RNF121: variants seen among roughly 807,000 people sequenced by gnomAD.
RNF121 encodes ring finger protein 121, also known as E3 ubiquitin ligase RNF121.
RNF121 carries 21 observed loss-of-function variants against 46.5 expected under a neutral mutation model. The observed-to-expected ratio is 0.45, with a 90% CI of 0.32 to 0.65. The LOEUF is 0.65. Among genes scored for constraint, RNF121 ranks in the 30% least tolerant of loss-of-function variants. The pLI, the probability that RNF121 is intolerant of heterozygous loss-of-function variation, is 0.04. For synonymous variants in RNF121, 139 were observed against 144.7 expected, an observed-to-expected ratio of 0.96 and a Z score of 0.28; for missense variants, 346 against 416.0, an observed-to-expected ratio of 0.83 and a Z score of 1.46.
chr11:71,941,816 A>C (rs1235504229), intron 1 of RNF121, among the ~76,000 whole-genome samples: 1 of 152,228 alleles, frequency 6.6e-6, no homozygotes, highest in African/African-American at 2.4e-5. Context: ...GACAGATCAT[A>C]ATTAGCAAAG....
At chr11:71,995,245 T>C (rs1332845630) in intron 7 of RNF121, 6 of 597,142 alleles carry the variant, frequency 1.0e-5, no homozygotes, top group African/African-American at 1.9e-5. Context: ...AGCCATGTAT[T>C]GTCTCCATTT....
At chr11:71,947,830 G>A (rs920089622) in intron 1 of RNF121, among the ~76,000 whole-genome samples, 3 of 152,176 alleles carry the variant, frequency 2.0e-5, no homozygotes, top group African/African-American at 4.8e-5. Context: ...AGTTAGAGTC[G>A]GGGAGATCAT....
intron 3 of RNF121, among the ~76,000 whole-genome samples, chr11:71,967,281 A>G (rs926904788): frequency 4.0e-5 from 6 of 149,638 alleles, no homozygotes; most frequent in African/African-American, 1.5e-4. Flanking sequence ...TGATGTATAA[A>G]TTTCTACTTT....
chr11:71,959,675 G>A (rs7943227), intron 2 of RNF121, among the ~76,000 whole-genome samples: 119,700 of 145,626 alleles, frequency 0.82, 50,675 homozygotes, highest in Non-Finnish European at 0.94. Flanking sequence ...TCATTCTGTC[G>A]CCCAGGACGG....
intron 1 of RNF121, among the ~76,000 whole-genome samples, chr11:71,950,819 G>C (rs1953858414): frequency 6.6e-6 from 1 of 152,012 alleles, no homozygotes; most frequent in Non-Finnish European, 1.5e-5. Context: ...TTTTAATTCT[G>C]TGGTAACTAG....
intron 3 of RNF121, among the ~76,000 whole-genome samples, chr11:71,964,843 A>AT (rs897330402): frequency 7.2e-5 from 11 of 152,056 alleles, no homozygotes; most frequent in Admixed American, 3.3e-4. Context: ...GATGTTTGTG[A>AT]TTTTTTATGG....
intron 1 of RNF121, among the ~76,000 whole-genome samples, chr11:71,950,535 G>A (rs781101522): frequency 3.2e-4 from 48 of 151,766 alleles, no homozygotes; most frequent in Non-Finnish European, 5.2e-4. Context: ...AGTGAACCGA[G>A]ATCATGCCAT....
chr11:71,963,786 G>A (rs1482538383), intron 3 of RNF121, among the ~76,000 whole-genome samples: 1 of 152,160 alleles, frequency 6.6e-6, no homozygotes, highest in Non-Finnish European at 1.5e-5. Flanking sequence ...TTGGATGGTC[G>A]TGGCATGTCA....
chr11:71,962,217 G>T (rs1396531546), intron 3 of RNF121: 1 of 331,262 alleles, frequency 3.0e-6, no homozygotes. Context: ...ATCCGCCTCG[G>T]CCTCCCAAAG....
intron 4 of RNF121, among the ~76,000 whole-genome samples, chr11:71,985,443 A>T (rs1312403436): frequency 6.6e-6 from 1 of 152,148 alleles, no homozygotes; most frequent in Non-Finnish European, 1.5e-5. Context: ...GAGTTTTTTG[A>T]CCTAAAATTT....
intron 6 of RNF121, among the ~76,000 whole-genome samples, chr11:71,991,706 G>A (rs1233774341): frequency 6.6e-6 from 1 of 152,168 alleles, no homozygotes; most frequent in Non-Finnish European, 1.5e-5. Flanking sequence ...GGGAGAAAGT[G>A]TGGGTGTTTT....
rs563484705 is a variant in RNF121 at position 71,937,112 on chromosome 11, A to C, written c.63+7988A>C. Among the ~76,000 whole-genome samples the C allele has an allele frequency of 1.8e-4, 27 of 152,316 alleles. No individual in the cohort carries two copies. In the East Asian group the frequency reaches 3.3e-3, roughly 18 times the overall value. On this transcript the variant is annotated intron_variant, in intron 1 of 8. Transcript: ENST00000361756. ...AATTAATGCCAAATTGTTCCTTATC[A>C]GTGAGTCATCGGCACTGCTTTCTGC...
At chr11:71,970,109 A>G (rs1954387696) in intron 3 of RNF121, among the ~76,000 whole-genome samples, 2 of 152,196 alleles carry the variant, frequency 1.3e-5, no homozygotes, top group African/African-American at 4.8e-5. Flanking sequence ...AAGACATGTT[A>G]AGTGAAATAA....
intron 6 of RNF121, 128 bp from the exon 7 acceptor site, chr11:71,994,591 C>A: frequency 9.8e-7 from 1 of 1,018,334 alleles, no homozygotes; most frequent in Non-Finnish European, 1.5e-6. Context: ...AAAAAGATGT[C>A]CTCTAACTCT....
intron 3 of RNF121, among the ~76,000 whole-genome samples, chr11:71,967,688 TG>T (rs1270936073): frequency 6.6e-6 from 1 of 152,108 alleles, no homozygotes; most frequent in African/African-American, 2.4e-5. Flanking sequence ...CCCAAAGTGT[TG>T]GGATTACAGA....
Position 71,939,947 on chromosome 11 carries a change from C to T in RNF121, c.63+10823C>T, listed in dbSNP as rs7123536. Among the ~76,000 whole-genome samples the T allele has an allele frequency of 3.3e-3, 501 of 152,268 alleles. 4 individuals carry two copies. The highest frequency in any genetic ancestry group is 8.5e-3 in the African/African-American group (355 of 41,548). ...GTATGAGGAGTAGAGTTATAAATTA[C>T]GTACAAGATGCCACAAGTGTACAGA... On this transcript the variant is annotated intron_variant, in intron 1 of 8. Coordinates refer to ENST00000361756, the MANE Select transcript of RNF121 (RefSeq NM_018320.5).
In RNF121 at chr11:71,967,166, C is replaced by T. The variant is rs1428968881; in HGVS notation, c.243+6275C>T. Among the ~76,000 whole-genome samples, 6 of 150,460 alleles carry T rather than the reference C, an allele frequency of 4.0e-5. 1 individual carries two copies. In the South Asian group the frequency reaches 1.0e-3, roughly 26 times the overall value. ...GATTACAGGCGTGAGCCACCGCGCC[C>T]GGCCAATATTTGTGTTTTTTAAATA... On this transcript the variant is annotated intron_variant, in intron 3 of 8. Transcript: ENST00000361756.
At chr11:71,988,340 T>TGGCTGTG (rs1954806321) in intron 5 of RNF121, among the ~76,000 whole-genome samples, 2 of 152,164 alleles carry the variant, frequency 1.3e-5, no homozygotes, top group Non-Finnish European at 2.9e-5. Flanking sequence ...GAAATACTGG[T>TGGCTGTG]GGCTGTGGGC....
intron 5 of RNF121, 75 bp from the exon 6 acceptor site, chr11:71,990,522 G>T (rs771999630): frequency 1.3e-6 from 2 of 1,558,646 alleles, no homozygotes; most frequent in Non-Finnish European, 1.7e-6. Flanking sequence ...GCCCTGCCTT[G>T]TGTGTCCCAG....
Sources: allele counts gnomAD v4.1 joint callset (sites outside exome capture counted in the v4.1 genomes callset), GRCh38; gene constraint gnomAD v4.1.1; transcripts MANE v1.5; gene names NCBI Gene and HGNC (gene_info 2026-07-23, HGNC 2026-07-21).